The following TCF4 variants were observed in gnomAD, a reference collection of about 807,000 sequenced individuals.
The protein encoded by TCF4 is SL3-3 enhancer factor 2.
TCF4 carries 3 observed loss-of-function variants against 82.1 expected under a neutral mutation model. The ratio of observed to expected loss-of-function variants is 0.04; its 90% CI spans 0.02 to 0.09. The LOEUF (loss-of-function observed/expected upper bound fraction) is 0.09, where lower values mean the gene tolerates loss of function less well. Ranked by LOEUF, TCF4 falls within the 10% of genes least tolerant of loss-of-function variation. The pLI is 1.00. For synonymous variants in TCF4, 276 were observed against 309.6 expected (o/e 0.89, Z 1.14); for missense variants, 518 against 852.7 (o/e 0.61, Z 4.89).
At chr18:55,574,621 G>A (rs2097510230) in intron 3 of TCF4, among the ~76,000 whole-genome samples, 1 of 152,216 alleles carries the variant, frequency 6.6e-6, no homozygotes, top group South Asian at 2.1e-4. Context: ...TTATAGGCAT[G>A]AGCCACCCAG....
At chr18:55,420,694 C>T (rs1452333500) in intron 5 of TCF4, among the ~76,000 whole-genome samples, 1 of 152,144 alleles carries the variant, frequency 6.6e-6, no homozygotes, top group Non-Finnish European at 1.5e-5. Flanking sequence ...TATAAAATTA[C>T]AAGGATCTGC....
chr18:55,302,713 G>A, intron 8 of TCF4: 1 of 1,177,436 alleles, frequency 8.5e-7, no homozygotes, highest in Non-Finnish European at 1.1e-6. Context: ...CATGAAGAAG[G>A]GGAGGTGGGA....
chr18:55,581,552 T>A (rs2097574972), intron 3 of TCF4, among the ~76,000 whole-genome samples: 1 of 151,984 alleles, frequency 6.6e-6, no homozygotes, highest in African/African-American at 2.4e-5. Context: ...ACACACACAA[T>A]ATTAAGCAGC....
intron 8 of TCF4, among the ~76,000 whole-genome samples, chr18:55,339,529 A>T (rs1031009290): frequency 6.6e-6 from 1 of 152,216 alleles, no homozygotes; most frequent in African/African-American, 2.4e-5. Context: ...GTCCCTGTTC[A>T]GGGTGTACAC....
rs143422751 is a variant in TCF4 at position 55,545,320 on chromosome 18, C to T, written c.145+39960G>A. On this transcript the variant is annotated intron_variant, in intron 3 of 19. Coordinates refer to ENST00000354452, the MANE Select transcript of TCF4 (RefSeq NM_001083962.2). ...ATGTAAACATTTTTTTGATCATTTA[C>T]GACAGATTTGTCTTCTAGTCAAGCA... is the stretch of plus-strand genomic sequence containing the variant. 2.4e-3 allele frequency among the ~76,000 whole-genome samples: 366 copies of T among 152,236 alleles called. 2 individuals carry two copies. The highest frequency in any genetic ancestry group is 6.8e-3 in the Middle Eastern group (2 of 294).
intron 3 of TCF4, among the ~76,000 whole-genome samples, chr18:55,581,513 T>G (rs925346091): frequency 2.6e-5 from 4 of 151,994 alleles, no homozygotes; most frequent in Non-Finnish European, 4.4e-5. Flanking sequence ...CATTTACGAT[T>G]TTAAGGGTGT....
At chr18:55,272,391 C>T (rs1268142304) in intron 10 of TCF4, among the ~76,000 whole-genome samples, 5 of 152,028 alleles carry the variant, frequency 3.3e-5, no homozygotes, top group Non-Finnish European at 7.4e-5. Flanking sequence ...AAGAGGTCCT[C>T]TTAGTCTCTT....
chr18:55,624,161 T>C (rs950446369), intron 2 of TCF4, among the ~76,000 whole-genome samples: 20 of 152,284 alleles, frequency 1.3e-4, no homozygotes, highest in African/African-American at 4.8e-4. Flanking sequence ...TGTTTGTTAA[T>C]GGTCATTGTT....
At chr18:55,528,706 C>T (rs1317616384) in intron 3 of TCF4, among the ~76,000 whole-genome samples, 4 of 152,186 alleles carry the variant, frequency 2.6e-5, no homozygotes, top group African/African-American at 4.8e-5. Context: ...CCCTAAGCTA[C>T]GTTTCTCCAA....
At chr18:55,434,349 A>G (rs2095274531) in intron 5 of TCF4, among the ~76,000 whole-genome samples, 1 of 150,918 alleles carries the variant, frequency 6.6e-6, no homozygotes, top group Admixed American at 6.6e-5. Flanking sequence ...TGTTATTGTG[A>G]TATTGTTCAA....
intron 6 of TCF4, among the ~76,000 whole-genome samples, chr18:55,388,006 T>C (rs903257806): frequency 3.9e-5 from 6 of 152,232 alleles, no homozygotes; most frequent in Non-Finnish European, 8.8e-5. Context: ...GCTTTAGTTT[T>C]CCACTTGCTA....
chr18:55,629,003 A>C (rs892924166), intron 2 of TCF4, among the ~76,000 whole-genome samples: 4 of 152,252 alleles, frequency 2.6e-5, no homozygotes, highest in African/African-American at 9.6e-5. Context: ...ATTTATAAAT[A>C]AGTAGTAAAT....
At chr18:55,274,945 A>G (rs1001147343) in intron 10 of TCF4, among the ~76,000 whole-genome samples, 11 of 152,190 alleles carry the variant, frequency 7.2e-5, no homozygotes, top group African/African-American at 2.7e-4. Context: ...GGTGATGGAC[A>G]GAGTGGAAAT....
At chr18:55,377,899 T>C (rs1167004100) in intron 6 of TCF4, among the ~76,000 whole-genome samples, 3 of 152,228 alleles carry the variant, frequency 2.0e-5, no homozygotes, top group Non-Finnish European at 4.4e-5. Context: ...CTAGAAAAGT[T>C]ACTTTATTTC....
At chr18:55,595,720 G>C (rs967630801) in intron 2 of TCF4, among the ~76,000 whole-genome samples, 2 of 152,188 alleles carry the variant, frequency 1.3e-5, no homozygotes, top group Non-Finnish European at 2.9e-5. Flanking sequence ...AAAAGATTTA[G>C]TACTAGCCTT....
intron 2 of TCF4, among the ~76,000 whole-genome samples, chr18:55,597,929 C>G (rs979762633): frequency 6.6e-6 from 1 of 152,078 alleles, no homozygotes; most frequent in African/African-American, 2.4e-5. Context: ...ATTGAGGACA[C>G]AAGACATTGA....
chr18:55,551,183 G>C (rs2097257526), intron 3 of TCF4: 1 of 152,378 alleles, frequency 6.6e-6, no homozygotes, highest in South Asian at 2.1e-4. Flanking sequence ...GGCCTCAAGT[G>C]ATCTGCCCAC....
chr18:55,332,843 C>T (rs1221035725), intron 8 of TCF4, among the ~76,000 whole-genome samples: 1 of 152,204 alleles, frequency 6.6e-6, no homozygotes. Context: ...AGGAATTATA[C>T]TCTGTATCAC....
intron 17 of TCF4, chr18:55,229,596 A>G (rs1293681807): frequency 5.8e-6 from 1 of 171,776 alleles, no homozygotes; most frequent in African/African-American, 2.4e-5. Flanking sequence ...GCAGCTTAAC[A>G]GGAGTAAGAA....
Sources: gnomAD v4.1 joint callset for allele counts (sites outside exome capture counted in the v4.1 genomes callset) on GRCh38, gnomAD v4.1.1 for gene constraint, MANE v1.5 for transcripts, NCBI Gene and HGNC (gene_info 2026-07-23, HGNC 2026-07-21) for gene names.